The following TNS3 variants were observed in gnomAD, a reference collection of about 807,000 sequenced individuals.
The protein encoded by TNS3 is tensin-3.
TNS3 carries 45 observed loss-of-function variants against 140.9 expected under a neutral mutation model. The observed-to-expected ratio is 0.32, with a 90% CI of 0.25 to 0.41. TNS3 has a LOEUF of 0.41. Among genes scored for constraint, TNS3 ranks in the 10% least tolerant of loss-of-function variants. TNS3 has a pLI of 1.00. For missense variants in TNS3, 1,716 were observed against 1,906.7 expected (o/e 0.90, Z 1.86); for synonymous variants, 815 against 788.4 (o/e 1.03, Z -0.56).
intron 16 of TNS3, among the ~76,000 whole-genome samples, chr7:47,381,986 G>A (rs1020085257): frequency 3.9e-5 from 6 of 152,168 alleles, no homozygotes; most frequent in African/African-American, 9.7e-5. Flanking sequence ...ATGAATGTCC[G>A]AGTCTCTCCT....
intron 3 of TNS3, among the ~76,000 whole-genome samples, chr7:47,492,052 C>T (rs773747226): frequency 4.9e-4 from 74 of 152,190 alleles, no homozygotes; most frequent in Non-Finnish European, 7.2e-4. Flanking sequence ...AGTTAAAATA[C>T]CTGACTCTGA....
intron 2 of TNS3, among the ~76,000 whole-genome samples, chr7:47,523,678 T>G (rs1215608515): frequency 1.3e-5 from 2 of 152,176 alleles, no homozygotes; most frequent in East Asian, 3.9e-4. Flanking sequence ...GCAAAGGTTT[T>G]CCTTCATCTG....
At chr7:47,418,934 AG>A (rs1488030145) in intron 10 of TNS3, among the ~76,000 whole-genome samples, 1 of 152,272 alleles carries the variant, frequency 6.6e-6, no homozygotes, top group African/African-American at 2.4e-5. Flanking sequence ...CTTTCCCAAC[AG>A]CTTACTCATT....
chr7:47,334,760 C>T (rs1788536520), intron 20 of TNS3, among the ~76,000 whole-genome samples: 1 of 152,032 alleles, frequency 6.6e-6, no homozygotes, highest in Admixed American at 6.6e-5. Context: ...AGGCATGCGC[C>T]ACCATGCCCA....
At chr7:47,517,414 T>C (rs1454629592) in intron 2 of TNS3, among the ~76,000 whole-genome samples, 2 of 151,918 alleles carry the variant, frequency 1.3e-5, no homozygotes, top group African/African-American at 4.8e-5. Context: ...CTCAGATAAG[T>C]CTCGTCGGGA....
chr7:47,428,168 C>A (rs905151406), intron 9 of TNS3, 144 bp downstream of exon 9: 1 of 483,642 alleles, frequency 2.1e-6, no homozygotes, highest in Non-Finnish European at 3.4e-6. Context: ...TTTCTAGGCA[C>A]TGACCAACCC....
intron 18 of TNS3, among the ~76,000 whole-genome samples, chr7:47,345,492 T>G (rs949267044): frequency 3.9e-5 from 6 of 152,244 alleles, no homozygotes; most frequent in African/African-American, 1.2e-4. Context: ...TAACAGTGGT[T>G]TCCTTTGTGA....
chr7:47,443,118 C>T (rs1799379), intron 4 of TNS3, among the ~76,000 whole-genome samples: 30,356 of 151,990 alleles, frequency 0.2, 3,780 homozygotes, highest in Non-Finnish European at 0.27. Flanking sequence ...ACCAAGGTGC[C>T]GGTGAGCTCA....
chr7:47,509,343 G>A (rs1272503414), intron 2 of TNS3, among the ~76,000 whole-genome samples: 6 of 152,186 alleles, frequency 3.9e-5, no homozygotes, highest in Admixed American at 3.9e-4. Flanking sequence ...CAAATGTTTG[G>A]ACTAGGACTT....
At chr7:47,548,308 G>A (rs562373323) in intron 1 of TNS3, among the ~76,000 whole-genome samples, 1 of 152,156 alleles carries the variant, frequency 6.6e-6, no homozygotes, top group East Asian at 1.9e-4. Flanking sequence ...CTCCTTGAAT[G>A]CCTACCCAGC....
intron 20 of TNS3, among the ~76,000 whole-genome samples, chr7:47,331,858 G>C (rs1227395587): frequency 6.6e-6 from 1 of 152,198 alleles, no homozygotes; most frequent in Non-Finnish European, 1.5e-5. Context: ...AATTTAAACA[G>C]ACAACAAGGT....
In TNS3 at chr7:47,369,555, T is replaced by C. The variant is rs370036532; in HGVS notation, c.1091A>G (p.Asp364Gly). Reference sequence around the variant, plus strand: ...CTGGGGGCCACCTGGGATGCCAGGATCCGAGGAGCTTTTCTTCCTCACCTT... The same window carrying C: ...CTGGGGGCCACCTGGGATGCCAGGACCCGAGGAGCTTTTCTTCCTCACCTT... ...YAKVRKKSSS[D>G]PGIPGGPQAI... The change falls in exon 17 of 31, where the codon GAT (aspartate) becomes GGT (glycine). Residue 364 changes from aspartate to glycine, a missense_variant. Asp to Gly is a moderately conservative substitution (Grantham distance 94). Coordinates refer to ENST00000311160, the MANE Select transcript of TNS3 (RefSeq NM_022748.12). 1.9e-6 allele frequency: 3 copies of C among 1,611,982 alleles called. No individual in the cohort carries two copies. The African/African-American group carries it at 4.0e-5, about 22-fold the overall frequency.
At chr7:47,456,741 A>T (rs1195067774) in intron 4 of TNS3, among the ~76,000 whole-genome samples, 1 of 151,884 alleles carries the variant, frequency 6.6e-6, no homozygotes, top group Admixed American at 6.6e-5. Flanking sequence ...CACACACAAC[A>T]CAGCCCACGA....
intron 10 of TNS3, among the ~76,000 whole-genome samples, chr7:47,419,199 C>T (rs560534822): frequency 1.6e-4 from 24 of 152,382 alleles, no homozygotes; most frequent in African/African-American, 5.8e-4. Flanking sequence ...AGCCTCTGCT[C>T]TCCTGAGGTA....
intron 4 of TNS3, among the ~76,000 whole-genome samples, chr7:47,480,258 A>G: frequency 6.6e-6 from 1 of 152,212 alleles, no homozygotes. Context: ...CTACTTGAGA[A>G]GTACAGGGAA....
intron 6 of TNS3, among the ~76,000 whole-genome samples, chr7:47,438,461 C>T (rs994824107): frequency 6.6e-6 from 1 of 152,158 alleles, no homozygotes; most frequent in African/African-American, 2.4e-5. Flanking sequence ...CAGAGCACAC[C>T]GCCTCAGTGA....
chr7:47,487,228 G>T (rs185967099), intron 3 of TNS3, among the ~76,000 whole-genome samples: 1 of 152,110 alleles, frequency 6.6e-6, no homozygotes, highest in East Asian at 1.9e-4. Flanking sequence ...GAACCTGGGA[G>T]GTTGCAGTGA....
At chr7:47,311,098 TG>T (rs1787064036) in intron 20 of TNS3, among the ~76,000 whole-genome samples, 1 of 152,198 alleles carries the variant, frequency 6.6e-6, no homozygotes, top group South Asian at 2.1e-4. Context: ...ATGGGATCAC[TG>T]GGTCAATAGT....
chr7:47,302,440 G>A (rs915673586), intron 22 of TNS3, among the ~76,000 whole-genome samples, 168 bp from the exon 23 acceptor site: 3 of 152,246 alleles, frequency 2.0e-5, no homozygotes, highest in Non-Finnish European at 4.4e-5. Context: ...GGAGGAGGCA[G>A]TGACTGTTTT....
Sources: gnomAD v4.1 joint callset for allele counts (sites outside exome capture counted in the v4.1 genomes callset) on GRCh38, gnomAD v4.1.1 for gene constraint, MANE v1.5 for transcripts, NCBI Gene and HGNC (gene_info 2026-07-23, HGNC 2026-07-21) for gene names.